The following PIK3C2B variants were observed in gnomAD, a reference collection of about 807,000 sequenced individuals.
PIK3C2B encodes phosphatidylinositol 4-phosphate 3-kinase C2 domain-containing subunit beta.
In PIK3C2B, 83 loss-of-function variants were observed where a neutral mutation model predicts 184.3. The observed-to-expected ratio is 0.45, with a 90% CI of 0.38 to 0.54. PIK3C2B has a LOEUF of 0.54. Ranked by LOEUF, PIK3C2B falls within the 20% of genes least tolerant of loss-of-function variation. PIK3C2B has a pLI of 0.00. For synonymous variants in PIK3C2B, 779 were observed against 837.6 expected (o/e 0.93, Z 1.21); for missense variants, 1,736 against 2,113.5 (o/e 0.82, Z 3.50).
At chr1:204,465,952 C>T (rs1012201800) in intron 2 of PIK3C2B, among the ~76,000 whole-genome samples, 3 of 152,172 alleles carry the variant, frequency 2.0e-5, no homozygotes, top group African/African-American at 4.8e-5. Flanking sequence ...CTCTGGCTTC[C>T]GAGTCAGCCG....
intron 1 of PIK3C2B, chr1:204,490,192 A>G (rs1369591269): frequency 5.5e-6 from 2 of 363,246 alleles, no homozygotes; most frequent in Non-Finnish European, 9.8e-6. Flanking sequence ...GACTTCCTAC[A>G]GAGAGTTCTC....
chr1:204,463,752 G>C (rs917187848), intron 5 of PIK3C2B, among the ~76,000 whole-genome samples: 4 of 122,638 alleles, frequency 3.3e-5, no homozygotes, highest in Non-Finnish European at 4.8e-5. Context: ...GAATCTGCAA[G>C]CAGATATGAC....
Position 204,460,087 on chromosome 1 carries a change from T to A in PIK3C2B, c.1503-146A>T, listed in dbSNP as rs5013458. ...TTTCTATATGTCCTGTGAAGACATA[T>A]AGAGGGAGAGTCTTTCTATTCTGCC... On this transcript the variant is annotated intron_variant, in intron 7 of 32. Transcript: ENST00000684373. 0.97 allele frequency: 681,502 copies of A among 705,790 alleles called. 330,770 individuals carry two copies. The highest frequency in any genetic ancestry group is 1 in the Non-Finnish European group (397,917 of 399,208). The allele number at this position is 705,790 out of a possible 1,614,324, so 43.7% of individuals were successfully genotyped here.
intron 16 of PIK3C2B, 145 bp from the exon 17 acceptor site, chr1:204,444,569 C>T: frequency 1.6e-6 from 1 of 627,502 alleles, no homozygotes; most frequent in Non-Finnish European, 2.8e-6. Context: ...TAGAAGAATC[C>T]TTAGCAACTT....
intron 5 of PIK3C2B, among the ~76,000 whole-genome samples, chr1:204,461,961 C>A (rs61761708): frequency 1.3e-5 from 2 of 152,254 alleles, no homozygotes; most frequent in Non-Finnish European, 2.9e-5. Flanking sequence ...ACCCCCGGAG[C>A]GTCCTTTCCA....
intron 26 of PIK3C2B, 21 bp from the exon 27 acceptor site, chr1:204,432,422 G>T: frequency 6.2e-7 from 1 of 1,609,850 alleles, no homozygotes; most frequent in Non-Finnish European, 8.5e-7. Context: ...GATAAGAAAA[G>T]AGGATATAAC....
chr1:204,444,234 G>A, intron 17 of PIK3C2B, 72 bp from the exon 18 acceptor site: 1 of 1,415,856 alleles, frequency 7.1e-7, no homozygotes, highest in Non-Finnish European at 1.0e-6. Context: ...TATTATTATT[G>A]CACTGGGATC....
At chr1:204,440,124 G>T in intron 22 of PIK3C2B, 68 bp downstream of exon 22, 3 of 1,483,104 alleles carry the variant, frequency 2.0e-6, no homozygotes, top group Non-Finnish European at 2.7e-6. Flanking sequence ...AGTTTGTGTT[G>T]GCAATGGGCA....
chr1:204,457,967 G>T, intron 8 of PIK3C2B, 93 bp from the exon 9 acceptor site: 1 of 1,126,064 alleles, frequency 8.9e-7, no homozygotes. Context: ...GGAAAGGGTT[G>T]GGAAGAGTAG....
chr1:204,464,085 G>C lies in PIK3C2B; in HGVS notation c.1237C>G (p.His413Asp). 1 of 1,614,114 alleles carries C rather than the reference G, an allele frequency of 6.2e-7. No individual in the cohort carries two copies. The highest frequency in any genetic ancestry group is 8.5e-7 in the Non-Finnish European group (1 of 1,179,944). The change falls in exon 5 of 33, where the codon CAT becomes GAT. Residue 413 changes from histidine to aspartate, a missense_variant. His to Asp is a moderately conservative substitution (Grantham distance 81). Coordinates refer to ENST00000684373, the MANE Select transcript of PIK3C2B (RefSeq NM_001377334.1). ...ACGTCCACATTCCTCAGGTCATCAT[G>C]GGTGTAGCACAGGGTCTGGTAGATA... ...LLIYQTLCYT[H>D]DDLRNVDVGD...
At chr1:204,465,993 G>A (rs1055028222) in intron 2 of PIK3C2B, among the ~76,000 whole-genome samples, 1 of 152,348 alleles carries the variant, frequency 6.6e-6, no homozygotes, top group East Asian at 1.9e-4. Context: ...CAGGGAGCCT[G>A]CCTTGGCCCC....
rs960994903 is a variant in PIK3C2B at position 204,455,881 on chromosome 1, G to A, written c.1918C>T (p.Arg640Cys). The change falls in exon 11 of 33, where the codon CGC becomes TGC. Residue 640 changes from arginine (R) to cysteine (C), a missense_variant. Transcript: ENST00000684373. ...SLAFTVYATHRIPIIWATSYE... is the reference protein window; with the variant it reads ...SLAFTVYATHCIPIIWATSYE... ...CTGGTAGCCCAGATGATGGGGATGC[G>A]GTGGGTGGCATAGACAGTGAAGGCC... The A allele has an allele frequency of 4.3e-6, 7 of 1,613,242 alleles. No individual in the cohort carries two copies. Among genetic ancestry groups the A allele is most frequent in the South Asian group, 1.1e-5 (1 of 90,938 alleles).
chr1:204,459,869 C>A lies in PIK3C2B; in HGVS notation c.1566+9G>T. The A allele has an allele frequency of 6.2e-7, 1 of 1,611,620 alleles. No homozygotes were observed. Among genetic ancestry groups the A allele is most frequent in the Non-Finnish European group, 8.5e-7 (1 of 1,178,322 alleles). ...GGGCAGCAGGGCCAGCCCCTGGATTCGTACTCACATCAGCCAGCAGGAAGG... is the reference window on the plus strand; with the variant it reads ...GGGCAGCAGGGCCAGCCCCTGGATTAGTACTCACATCAGCCAGCAGGAAGG... On this transcript the variant is annotated intron_variant, in intron 8 of 32. Coordinates refer to ENST00000684373, the MANE Select transcript of PIK3C2B (RefSeq NM_001377334.1).
At chr1:204,464,696 A>G in intron 3 of PIK3C2B, 92 bp from the exon 4 acceptor site, 2 of 1,255,228 alleles carry the variant, frequency 1.6e-6, no homozygotes, top group Admixed American at 2.2e-5. Context: ...GAGGCTCAAG[A>G]GCCCCTCTGT....
intron 16 of PIK3C2B, 82 bp from the exon 17 acceptor site, chr1:204,444,506 T>A (rs1279034741): frequency 1.0e-6 from 1 of 959,448 alleles, no homozygotes; most frequent in East Asian, 2.6e-5. Flanking sequence ...ACACCTGGGC[T>A]TCAGAGGCAT....
In PIK3C2B at chr1:204,439,017, T is replaced by A. The variant is rs568972858; in HGVS notation, c.3434A>T (p.His1145Leu). ...GTCCTTGAACGAGCCGGTCACCCCA[T>A]GCTCCACCTGGATCTTACGCAGGGT... Reference protein sequence around the residue: ...AETLRKIQVEHGVTGSFKDRP... With the variant: ...AETLRKIQVELGVTGSFKDRP... Residue 1145 changes from histidine to leucine, a missense_variant, in exon 23 of 33, where the codon CAT (histidine) becomes CTT (leucine). Around this residue, in one of 8 missense-constraint regions of PIK3C2B, gnomAD observed 289 missense variants for 380.4 expected, o/e 0.76. Transcript: ENST00000684373. The A allele has an allele frequency of 1.5e-5, 24 of 1,614,132 alleles. No homozygotes were observed. The East Asian group carries it at 5.3e-4, about 36-fold the overall frequency.
At chr1:204,493,524 A>AACACACACACACACACAC (rs3038310) in intron 1 of PIK3C2B, among the ~76,000 whole-genome samples, 8,240 of 143,834 alleles carry the variant, frequency 0.057, 335 homozygotes, top group Non-Finnish European at 0.074. Context: ...AATGGCAGAA[A>AACACACACACACACACAC]ACACACACAC....
At chr1:204,458,586 C>T (rs766231794) in intron 8 of PIK3C2B, among the ~76,000 whole-genome samples, 17 of 151,790 alleles carry the variant, frequency 1.1e-4, no homozygotes, top group Admixed American at 3.9e-4. Context: ...CTCTGCCTCC[C>T]GGGTTCAAGC....
At chr1:204,481,884 G>C (rs1260460992) in intron 1 of PIK3C2B, among the ~76,000 whole-genome samples, 1 of 152,196 alleles carries the variant, frequency 6.6e-6, no homozygotes, top group East Asian at 1.9e-4. Context: ...AGGGACACCG[G>C]TTTTCAAGCA....
Sources: gnomAD v4.1 joint callset for allele counts (sites outside exome capture counted in the v4.1 genomes callset) on GRCh38, gnomAD v4.1.1 for gene constraint, gnomAD v4.1.1 regional missense constraint, MANE v1.5 for transcripts, NCBI Gene and HGNC (gene_info 2026-07-23, HGNC 2026-07-21) for gene names.